The following RILPL1 variants were observed in gnomAD, a reference collection of about 807,000 sequenced individuals.
The protein encoded by RILPL1 is RILP-like protein 1.
Under a neutral mutation model 50.3 loss-of-function variants are expected in RILPL1, and 33 were observed. The observed-to-expected ratio is 0.66, with a 90% CI of 0.50 to 0.88. The LOEUF is 0.88. Among genes scored for constraint, RILPL1 ranks in the 40% least tolerant of loss-of-function variants. RILPL1 has a pLI of 0.00. For missense variants in RILPL1, 418 were observed against 542.5 expected (o/e 0.77, Z 2.28); for synonymous variants, 205 against 228.6 (o/e 0.90, Z 0.93).
rs1421962704 is a variant in RILPL1, at chr12:123,505,807, TAG to T, written c.461-6273_461-6272del. 7.2e-5 allele frequency among the ~76,000 whole-genome samples: 11 copies of T among 152,150 alleles called. No homozygotes were observed. The East Asian group carries it at 2.1e-3, about 29-fold the overall frequency. ...TGGCTCGTTTTTGAATCTTTTTTTA[TAG>T]AGACAAGGTCTTGCCACGTTGCCCA... On this transcript the variant is annotated intron_variant, in intron 2 of 6. Transcript: ENST00000376874.
intron 4 of RILPL1, among the ~76,000 whole-genome samples, chr12:123,496,557 C>T (rs1181183243): frequency 6.6e-6 from 1 of 152,210 alleles, no homozygotes; most frequent in East Asian, 1.9e-4. Context: ...AAACACAAGC[C>T]TGAGTGTGTC....
chr12:123,494,876 C>T (rs1049938251), intron 4 of RILPL1, among the ~76,000 whole-genome samples: 6 of 152,208 alleles, frequency 3.9e-5, no homozygotes, highest in Admixed American at 2.0e-4. Context: ...CTACTCAGAG[C>T]TCTGTGTGGT....
chr12:123,506,650 G>A (rs749308137), intron 2 of RILPL1, among the ~76,000 whole-genome samples: 1 of 152,190 alleles, frequency 6.6e-6, no homozygotes, highest in Non-Finnish European at 1.5e-5. Context: ...TGCTGCCATC[G>A]AGCCTCACGG....
Position 123,533,030 on chromosome 12 carries a change from G to T in RILPL1, c.309+144C>A. The T allele has an allele frequency of 1.1e-6, 1 of 876,064 alleles. No individual in the cohort carries two copies. The highest frequency in any genetic ancestry group is 1.7e-6 in the Non-Finnish European group (1 of 592,432). The allele number at this position is 876,064 out of a possible 1,614,324, so 54.3% of individuals were successfully genotyped here. On this transcript the variant is annotated intron_variant, in intron 1 of 6. Coordinates refer to ENST00000376874, the MANE Select transcript of RILPL1 (RefSeq NM_178314.5). This position sits in a 1 kb window ranked among gnomAD's most constrained non-coding sequence, Gnocchi z 6.2. ...CCTGGTCGGGCAAAAGAAGGCCAGG[G>T]CCTCCCTCCCTCCCCACGTCGGGTC...
intron 2 of RILPL1, among the ~76,000 whole-genome samples, chr12:123,511,130 ATG>A (rs1196927981): frequency 6.1e-4 from 22 of 35,874 alleles, no homozygotes; most frequent in Non-Finnish European, 1.1e-3. Flanking sequence ...TGTGAGGTCT[ATG>A]TGTGTGTGTG....
intron 6 of RILPL1, chr12:123,475,824 C>T: frequency 5.6e-6 from 5 of 888,006 alleles, no homozygotes; most frequent in Non-Finnish European, 9.0e-6. Flanking sequence ...ACTCCACAGA[C>T]ACCAGTGGAA....
chr12:123,521,578 CAT>C (rs1491438130), intron 2 of RILPL1, among the ~76,000 whole-genome samples: 138 of 4,416 alleles, frequency 0.031, 1 homozygote, highest in African/African-American at 0.053. Context: ...TATATACACA[CAT>C]ATGTGTATAT....
At chr12:123,474,778 C>A (rs1237054616) in intron 6 of RILPL1, 2 of 152,202 alleles carry the variant, frequency 1.3e-5, no homozygotes, top group Non-Finnish European at 2.9e-5. Flanking sequence ...AAAGCCACTG[C>A]GAAATCAAAG....
chr12:123,533,572 T>C lies in RILPL1; in HGVS notation c.-90A>G. On this transcript the variant is annotated 5_prime_UTR_variant, in exon 1 of 7. Coordinates refer to ENST00000376874, the MANE Select transcript of RILPL1 (RefSeq NM_178314.5). The surrounding 1 kb of genome is among the most constrained non-coding windows in gnomAD (Gnocchi z 6.2). The stretch of plus-strand genomic sequence containing the variant: ...AGGGCCGGGCCGGCCGGGCCCAGCC[T>C]GGGCCGCGGGCGGGCGCGCTCAGCG... 2 of 1,121,778 alleles carry C rather than the reference T, an allele frequency of 1.8e-6. No individual in the cohort carries two copies. The highest frequency in any genetic ancestry group is 1.6e-5 in the African/African-American group (1 of 61,442). 69.5% of individuals were successfully genotyped at this position (1,121,778 alleles called of 1,614,324 possible). A position where few individuals can be genotyped will look rare whatever the true frequency, so the allele number is the denominator to read the frequency against.
intron 6 of RILPL1, chr12:123,475,897 ATTTTTTTTTTTTT>A: frequency 2.6e-6 from 1 of 390,868 alleles, no homozygotes; most frequent in Non-Finnish European, 4.6e-6. Flanking sequence ...TTCACTTAAA[ATTTTTTTTTTTTT>A]TTTTTTTTTT....
At chr12:123,510,031 G>A (rs1883989392) in intron 2 of RILPL1, among the ~76,000 whole-genome samples, 1 of 152,216 alleles carries the variant, frequency 6.6e-6, no homozygotes, top group Non-Finnish European at 1.5e-5. Context: ...AGGCCCCCCT[G>A]GACCCTTGGG....
chr12:123,472,339 G>C lies in RILPL1; in HGVS notation c.*199C>G, dbSNP rs1881243923. On this transcript the variant is annotated 3_prime_UTR_variant, in exon 7 of 7. Coordinates refer to ENST00000376874, the MANE Select transcript of RILPL1 (RefSeq NM_178314.5). Reference sequence around the variant, plus strand: ...ATCTATTAGAAACAGTGATAGCCCTGGGTATAAATAAACATTTCTTTAGAG... The same window carrying C: ...ATCTATTAGAAACAGTGATAGCCCTCGGTATAAATAAACATTTCTTTAGAG... The C allele has an allele frequency of 5.2e-6, 3 of 574,410 alleles. No individual in the cohort carries two copies. Among genetic ancestry groups the C allele is most frequent in the Admixed American group, 6.1e-5 (2 of 32,808 alleles). The allele number at this position is 574,410 out of a possible 1,614,324, so 35.6% of individuals were successfully genotyped here.
chr12:123,509,180 G>A (rs760482522), intron 2 of RILPL1, among the ~76,000 whole-genome samples: 5 of 151,906 alleles, frequency 3.3e-5, no homozygotes, highest in Non-Finnish European at 5.9e-5. Flanking sequence ...TAGCCAAGAA[G>A]TGGAAGCAAG....
intron 2 of RILPL1, among the ~76,000 whole-genome samples, chr12:123,507,905 C>A (rs1218592517): frequency 4.3e-5 from 6 of 140,426 alleles, no homozygotes; most frequent in African/African-American, 1.6e-4. Flanking sequence ...CACGCCACTG[C>A]ACTCCAGCCT....
intron 1 of RILPL1, among the ~76,000 whole-genome samples, chr12:123,529,709 T>G (rs1174236868): frequency 2.0e-5 from 3 of 151,738 alleles, no homozygotes; most frequent in Admixed American, 6.6e-5. Flanking sequence ...GGCAACATAG[T>G]GACACCTTGT....
At chr12:123,475,022 T>G (rs1196708816) in intron 6 of RILPL1, 1 of 152,494 alleles carries the variant, frequency 6.6e-6, no homozygotes, top group Non-Finnish European at 1.5e-5. Context: ...CTGTGACAGG[T>G]AAGTGTGCTG....
intron 2 of RILPL1, among the ~76,000 whole-genome samples, chr12:123,512,215 CTGTGTGTGGTG>C (rs1367516792): frequency 2.0e-4 from 19 of 97,242 alleles, no homozygotes; most frequent in South Asian, 1.4e-3. Context: ...TGTCTGAGGT[CTGTGTGTGGTG>C]TGTGTGTGGT....
chr12:123,521,855 C>T (rs1885080069), intron 2 of RILPL1, among the ~76,000 whole-genome samples: 1 of 151,586 alleles, frequency 6.6e-6, no homozygotes, highest in South Asian at 2.1e-4. Flanking sequence ...TCACTGCAAC[C>T]TCCATCTCCT....
rs185280476 is a variant in RILPL1, at chr12:123,483,336, G to A, written c.1067+844C>T. 1.2e-4 allele frequency among the ~76,000 whole-genome samples: 18 copies of A among 152,332 alleles called. No individual in the cohort carries two copies. The East Asian group carries it at 2.9e-3, about 24-fold the overall frequency. On this transcript the variant is annotated intron_variant, in intron 6 of 6. Coordinates refer to ENST00000376874, the MANE Select transcript of RILPL1 (RefSeq NM_178314.5). Reference sequence around the variant, plus strand: ...TTATTAGCTGAATGACCCTAGGCAGGTGCCTCTGTTTCCTTAACTATAAAA... The same window carrying A: ...TTATTAGCTGAATGACCCTAGGCAGATGCCTCTGTTTCCTTAACTATAAAA...
Sources: gnomAD v4.1 joint callset for allele counts (sites outside exome capture counted in the v4.1 genomes callset) on GRCh38, gnomAD v4.1.1 for gene constraint, Gnocchi (gnomAD v3.1) non-coding constraint, MANE v1.5 for transcripts, NCBI Gene and HGNC (gene_info 2026-07-23, HGNC 2026-07-21) for gene names.